The following CCDC17 variants were observed in gnomAD, a reference collection of about 807,000 sequenced individuals.
The protein encoded by CCDC17 is coiled-coil domain-containing protein 17.
In CCDC17, 79 loss-of-function variants were observed where a neutral mutation model predicts 68.0. That is an observed-to-expected ratio of 1.16 (90% CI 0.97 to 1.40). The LOEUF (loss-of-function observed/expected upper bound fraction) is 1.40, where lower values mean the gene tolerates loss of function less well. Among genes scored for constraint, CCDC17 ranks in the 40% most tolerant of loss-of-function variants. The probability of loss-of-function intolerance (pLI) is 0.00; values close to 1 mark genes in which losing one functional copy is unlikely to be tolerated. For missense variants in CCDC17, 846 were observed against 811.5 expected, an observed-to-expected ratio of 1.04 and a Z score of -0.52; for synonymous variants, 376 against 337.5, an observed-to-expected ratio of 1.11 and a Z score of -1.25.
In CCDC17 at chr1:45,620,209, T is replaced by C. The variant is rs1644196875; in HGVS notation, c.*66A>G. ...ATGTCAGAACATGGAGTAGTAAACC[T>C]GTAGGTCTGGAAATAGGCCCCAGTC... is the stretch of plus-strand genomic sequence containing the variant. On this transcript the variant is annotated 3_prime_UTR_variant, in exon 13 of 13. Coordinates refer to ENST00000528266, the MANE Select transcript of CCDC17 (RefSeq NM_001114938.3). 2.0e-6 allele frequency: 3 copies of C among 1,515,532 alleles called. No homozygotes were observed. The highest frequency in any genetic ancestry group is 1.4e-5 in the African/African-American group (1 of 71,174). 93.9% of individuals were successfully genotyped at this position (1,515,532 alleles called of 1,614,324 possible).
rs538469242 is a variant in CCDC17 at position 45,621,420 on chromosome 1, G to A, written c.1249C>T (p.Leu417=). 6.3e-7 allele frequency: 1 copy of A among 1,598,402 alleles called. No homozygotes were observed. Among genetic ancestry groups the A allele is most frequent in the African/African-American group, 1.3e-5 (1 of 74,630 alleles). The change falls in exon 10 of 13, where the codon CTA becomes TTA. Residue 417 remains leucine, a synonymous_variant. Coordinates refer to ENST00000528266, the MANE Select transcript of CCDC17 (RefSeq NM_001114938.3). ...CCATCGCGTGCCAAGCCAGTCCTTA[G>A]TTGCACCCAAATCCAGGAAGCCTCA... ...GLEASWIWVQ[L]RTGLARDGRD...
Position 45,622,349 on chromosome 1 carries a change from C to T in CCDC17, c.860-1G>A. ...TCCCCTGAGGTGGCACCTGCCCTTC[C>T]TGCGATGAACAAGTGTGACCTGTCA... On this transcript the variant is annotated splice_acceptor_variant, in intron 6 of 12. Coordinates refer to ENST00000528266, the MANE Select transcript of CCDC17 (RefSeq NM_001114938.3). LOFTEE classifies it high-confidence loss of function. 1 of 1,603,312 alleles carries T rather than the reference C, an allele frequency of 6.2e-7. No individual in the cohort carries two copies. Among genetic ancestry groups the T allele is most frequent in the South Asian group, 1.1e-5 (1 of 89,600 alleles).
In CCDC17 at chr1:45,620,986, G is replaced by C; in HGVS notation, c.1516C>G (p.Leu506Val). The change falls in exon 11 of 13, where the codon CTA becomes GTA. Residue 506 changes from leucine to valine, a missense_variant. Leu to Val is a conservative substitution (Grantham distance 32, BLOSUM62 1). Coordinates refer to ENST00000528266, the MANE Select transcript of CCDC17 (RefSeq NM_001114938.3). Reference sequence around the variant, plus strand: ...AGTGGGAGGCGCCAGCGGCCACTTAGCACCCGCTGATCTTGGTCAAATAGT... The same window carrying C: ...AGTGGGAGGCGCCAGCGGCCACTTACCACCCGCTGATCTTGGTCAAATAGT... Reference protein sequence around the residue: ...LGLFDQDQRVLSGRWRLPLRA... With the variant: ...LGLFDQDQRVVSGRWRLPLRA... 6.2e-7 allele frequency: 1 copy of C among 1,613,852 alleles called. No homozygotes were observed. Among genetic ancestry groups the C allele is most frequent in the Non-Finnish European group, 8.5e-7 (1 of 1,179,850 alleles).
Position 45,623,991 on chromosome 1 carries a change from G to A in CCDC17, c.-82C>T. ...GGGAAAGGCAGAGGAGGATGAAAGA[G>A]ACATAAAGCCAGAGGCAGAGAGGAA... On this transcript the variant is annotated 5_prime_UTR_variant, in exon 1 of 13. Transcript: ENST00000528266. The A allele has an allele frequency of 1.0e-6, 1 of 1,001,702 alleles. No homozygotes were observed. The highest frequency in any genetic ancestry group is 1.4e-6 in the Non-Finnish European group (1 of 690,958). 62.1% of individuals were successfully genotyped at this position (1,001,702 alleles called of 1,614,324 possible). A position where few individuals can be genotyped will look rare whatever the true frequency, so the allele number is the denominator to read the frequency against.
At position 45,621,984 on chromosome 1, in the gene CCDC17, G is replaced by A; in HGVS notation, c.979C>T (p.Leu327=). The change falls in exon 8 of 13, where the codon CTG becomes TTG. Residue 327 remains leucine (L), a synonymous_variant. Transcript: ENST00000528266. ...AGGCTGGCATCCCCCAGGAGTCGCAGATCCTGGGGCCCTAGGAGCAGAAGA... is the reference window on the plus strand; with the variant it reads ...AGGCTGGCATCCCCCAGGAGTCGCAAATCCTGGGGCCCTAGGAGCAGAAGA... ...RGRAPLGPQD[L]RLLGDASLQP... The A allele has an allele frequency of 6.2e-7, 1 of 1,607,358 alleles. No homozygotes were observed. The highest frequency in any genetic ancestry group is 1.1e-5 in the South Asian group (1 of 89,608).
Position 45,621,949 on chromosome 1 carries a change from C to G in CCDC17, c.1014G>C (p.Lys338Asn). ...GGAGGAGTGGGGGATCTCTCCTCCC[C>G]TTCGGTTGTAGGCTGGCATCCCCCA... is the stretch of plus-strand genomic sequence containing the variant. ...RLLGDASLQP[K>N]GRRDPPLLPP... is the part of the protein sequence containing the mutation. The change falls in exon 8 of 13, where the codon AAG becomes AAC. Residue 338 changes from lysine to asparagine, a missense_variant. By Grantham distance (94) the Lys-to-Asn change is moderately conservative. Coordinates refer to ENST00000528266, the MANE Select transcript of CCDC17 (RefSeq NM_001114938.3). The G allele has an allele frequency of 6.2e-7, 1 of 1,611,034 alleles. No individual in the cohort carries two copies. Among genetic ancestry groups the G allele is most frequent in the Non-Finnish European group, 8.5e-7 (1 of 1,179,006 alleles).
chr1:45,620,095 T>C lies in CCDC17; in HGVS notation c.*180A>G, dbSNP rs1644193526. 3 of 562,470 alleles carry C rather than the reference T, an allele frequency of 5.3e-6. No individual in the cohort carries two copies. The highest frequency in any genetic ancestry group is 7.8e-5 in the Admixed American group (2 of 25,778). 34.8% of individuals were successfully genotyped at this position (562,470 alleles called of 1,614,324 possible). A position where few individuals can be genotyped will look rare whatever the true frequency, so the allele number is the denominator to read the frequency against. On this transcript the variant is annotated 3_prime_UTR_variant, in exon 13 of 13. Transcript: ENST00000528266. ...ATCTGTTTTACAAAAACAGAAGAGG[T>C]ACAGAAAAGTTAAGGACTTAACGGG...
At position 45,623,277 on chromosome 1, in the gene CCDC17, G is replaced by C. The variant is rs768765988; in HGVS notation, c.433C>G (p.Arg145Gly). 6.5e-7 allele frequency: 1 copy of C among 1,547,638 alleles called. No homozygotes were observed. Among genetic ancestry groups the C allele is most frequent in the Non-Finnish European group, 8.7e-7 (1 of 1,146,718 alleles). ...TCCATCTCCGCCACGCGCCTCGCGCGAGTCCTGAACAGCGCCCGCAGCCGC... is the reference window on the plus strand; with the variant it reads ...TCCATCTCCGCCACGCGCCTCGCGCCAGTCCTGAACAGCGCCCGCAGCCGC... The part of the protein sequence containing the change: ...SERLRALFRT[R>G]ARRVAEMEAQ... Residue 145 changes from arginine to glycine, a missense_variant, in exon 3 of 13, where the codon CGC becomes GGC. Physicochemically the swap from Arg to Gly is moderately radical, Grantham distance 125 (BLOSUM62 -2). Coordinates refer to ENST00000528266, the MANE Select transcript of CCDC17 (RefSeq NM_001114938.3).
Position 45,623,298 on chromosome 1 carries a change from G to T in CCDC17, c.412C>A (p.Leu138Met). ...GCGCGAGTCCTGAACAGCGCCCGCA[G>T]CCGCTCGCTGGGGCTTCCCACCGCC... Reference protein sequence around the residue: ...SEAVGSPSERLRALFRTRARR... With the variant: ...SEAVGSPSERMRALFRTRARR... The change falls in exon 3 of 13, where the codon CTG (leucine) becomes ATG (methionine). Residue 138 changes from leucine (L) to methionine (M), a missense_variant. Physicochemically the swap from Leu to Met is conservative, Grantham distance 15. Transcript: ENST00000528266. The T allele has an allele frequency of 6.5e-7, 1 of 1,549,216 alleles. No individual in the cohort carries two copies. Among genetic ancestry groups the T allele is most frequent in the Non-Finnish European group, 8.7e-7 (1 of 1,146,842 alleles).
At position 45,623,247 on chromosome 1, in the gene CCDC17, G is replaced by C; in HGVS notation, c.463C>G (p.Gln155Glu). ...CCGCGTAGCTGCAGGGCCCGGCTCT[G>C]CGCTTCCATCTCCGCCACGCGCCTC... Reference protein sequence around the residue: ...RARRVAEMEAQSRALQLRGEE... With the variant: ...RARRVAEMEAESRALQLRGEE... The change falls in exon 3 of 13, where the codon CAG becomes GAG. Residue 155 changes from glutamine to glutamate, a missense_variant. Coordinates refer to ENST00000528266, the MANE Select transcript of CCDC17 (RefSeq NM_001114938.3). 6.5e-7 allele frequency: 1 copy of C among 1,545,558 alleles called. No individual in the cohort carries two copies. Among genetic ancestry groups the C allele is most frequent in the Non-Finnish European group, 8.7e-7 (1 of 1,146,228 alleles).
At chr1:45,622,910 ACCCCGGAGCCG>A in intron 4 of CCDC17, 34 bp downstream of exon 4, 1 of 1,491,514 alleles carries the variant, frequency 6.7e-7, no homozygotes, top group African/African-American at 1.4e-5. Flanking sequence ...CGCCCCTCCC[ACCCCGGAGCCG>A]CATGTTCCGG....
intron 8 of CCDC17, 51 bp from the exon 9 acceptor site, chr1:45,621,786 TCC>T (rs1193657765): frequency 6.2e-7 from 1 of 1,606,084 alleles, no homozygotes; most frequent in Non-Finnish European, 8.5e-7. Flanking sequence ...CTGCTCATGT[TCC>T]CCCAACTGCT....
chr1:45,621,504 G>A lies in CCDC17; in HGVS notation c.1185-20C>T. On this transcript the variant is annotated intron_variant, in intron 9 of 12. Transcript: ENST00000528266. ...CCAGCCCTGGGGAACACAAGTCTTA[G>A]CACAGAAATACCCAACTCCTTTCAA... The A allele has an allele frequency of 6.3e-7, 1 of 1,576,202 alleles. No individual in the cohort carries two copies. Among genetic ancestry groups the A allele is most frequent in the South Asian group, 1.2e-5 (1 of 86,120 alleles).
At chr1:45,622,420 C>T (rs558199723) in intron 6 of CCDC17, 72 bp from the exon 7 acceptor site, 175 of 1,494,132 alleles carry the variant, frequency 1.2e-4, no homozygotes, top group Admixed American at 4.6e-4. Flanking sequence ...GAGCAGCTCT[C>T]CAGCGCTAAG....
At position 45,621,345 on chromosome 1, in the gene CCDC17, G is replaced by T; in HGVS notation, c.1324C>A (p.Pro442Thr). 2 of 1,590,378 alleles carry T rather than the reference G, an allele frequency of 1.3e-6. No individual in the cohort carries two copies. Among genetic ancestry groups the T allele is most frequent in the East Asian group, 2.3e-5 (1 of 43,820 alleles). ...CCCATGGGCCCGGGAGCAGGAGGTGGGGGCAGGCAAAGGGCTGGGGGCAAC... is the reference window on the plus strand; with the variant it reads ...CCCATGGGCCCGGGAGCAGGAGGTGTGGGCAGGCAAAGGGCTGGGGGCAAC... Reference protein sequence around the residue: ...TALPPALCLPPPPAPGPMGNC... With the variant: ...TALPPALCLPTPPAPGPMGNC... Residue 442 changes from proline (P) to threonine (T), a missense_variant, in exon 10 of 13, where the codon CCA becomes ACA. Coordinates refer to ENST00000528266, the MANE Select transcript of CCDC17 (RefSeq NM_001114938.3).
chr1:45,622,851 C>A lies in CCDC17; in HGVS notation c.657-17G>T. The A allele has an allele frequency of 6.3e-7, 1 of 1,586,886 alleles. No individual in the cohort carries two copies. Among genetic ancestry groups the A allele is most frequent in the Non-Finnish European group, 8.6e-7 (1 of 1,166,546 alleles). ...AGCGGGTTCCTGGGGTGGCAGGCGA[C>A]GCGCAGGGAGACGGTAACGCATCAG... On this transcript the variant is annotated splice_polypyrimidine_tract_variant and intron_variant, in intron 4 of 12. Coordinates refer to ENST00000528266, the MANE Select transcript of CCDC17 (RefSeq NM_001114938.3).
chr1:45,621,563 C>A, intron 9 of CCDC17, 75 bp downstream of exon 9: 1 of 1,588,174 alleles, frequency 6.3e-7, no homozygotes, highest in Admixed American at 1.8e-5. Context: ...CTAACCCTAT[C>A]TGGTCCTAGT....
chr1:45,622,185 C>A, intron 7 of CCDC17, 56 bp downstream of exon 7: 1 of 1,514,286 alleles, frequency 6.6e-7, no homozygotes, highest in Non-Finnish European at 9.1e-7. Context: ...TCTGCCTGAG[C>A]CAGGCCTGCT....
Position 45,622,987 on chromosome 1 carries a change from C to A in CCDC17, c.624G>T (p.Gly208=). The A allele has an allele frequency of 6.2e-7, 1 of 1,607,166 alleles. No individual in the cohort carries two copies. Among genetic ancestry groups the A allele is most frequent in the African/African-American group, 1.3e-5 (1 of 74,836 alleles). ...GRTRGALEVL[G]ARIQELQAEP... ...CCGCCTGCAGCTCCTGAATGCGGGC[C>A]CCCAACACCTCTAGAGCTCCCCGCG... Residue 208 remains glycine (G), a synonymous_variant, in exon 4 of 13, where the codon GGG becomes GGT. Transcript: ENST00000528266.
Sources: gnomAD v4.1 joint callset for allele counts on GRCh38, gnomAD v4.1.1 for gene constraint, MANE v1.5 for transcripts, NCBI Gene and HGNC (gene_info 2026-07-23, HGNC 2026-07-21) for gene names.